CAPN13: variants seen among roughly 807,000 people sequenced by gnomAD.
The protein encoded by CAPN13 is calpain-13.
In CAPN13, 90 loss-of-function variants were observed where a neutral mutation model predicts 98.4. The observed-to-expected ratio is 0.92, with a 90% CI of 0.77 to 1.09. The LOEUF is 1.09. Ranked by LOEUF, CAPN13 falls within the 50% of genes least tolerant of loss-of-function variation. The pLI, the probability that CAPN13 is intolerant of heterozygous loss-of-function variation, is 0.00. For missense variants in CAPN13, 887 were observed against 841.3 expected (o/e 1.05, Z -0.67); for synonymous variants, 330 against 305.5 (o/e 1.08, Z -0.84).
At position 30,742,437 on chromosome 2, in the gene CAPN13, G is replaced by A. The variant is rs905448133; in HGVS notation, c.1446-78C>T. 2.7e-6 allele frequency: 4 copies of A among 1,488,256 alleles called. No homozygotes were observed. The East Asian group carries it at 9.7e-5, about 36-fold the overall frequency. The allele number at this position is 1,488,256 out of a possible 1,614,324, so 92.2% of individuals were successfully genotyped here. A position where few individuals can be genotyped will look rare whatever the true frequency, so the allele number is the denominator to read the frequency against. ...GGGCCTGCATATAGAGGGCACCCAG[G>A]TGGCACTGGATATTGATGCCAAGTT... On this transcript the variant is annotated intron_variant, in intron 13 of 22. Transcript: ENST00000295055.
At chr2:30,788,519 C>A (rs1270295018) in intron 1 of CAPN13, among the ~76,000 whole-genome samples, 1 of 152,132 alleles carries the variant, frequency 6.6e-6, no homozygotes, top group African/African-American at 2.4e-5. Flanking sequence ...CCTCTCTGGT[C>A]CTTAAAGTAG....
At chr2:30,739,697 G>A (rs1212481675) in intron 15 of CAPN13, among the ~76,000 whole-genome samples, 2 of 152,130 alleles carry the variant, frequency 1.3e-5, no homozygotes, top group Admixed American at 1.3e-4. Context: ...CAGCTTTGGG[G>A]CATGGACCGT....
chr2:30,763,233 G>A, intron 6 of CAPN13, 77 bp from the exon 7 acceptor site: 1 of 1,298,474 alleles, frequency 7.7e-7, no homozygotes, highest in Admixed American at 2.0e-5. Flanking sequence ...AGTCCAAACA[G>A]CCACTGAGCC....
chr2:30,770,987 T>A (rs1030798145), intron 4 of CAPN13, among the ~76,000 whole-genome samples: 2 of 152,184 alleles, frequency 1.3e-5, no homozygotes, highest in African/African-American at 2.4e-5. Context: ...ATGACATGGA[T>A]GGCTCAGGAG....
At chr2:30,764,590 A>G (rs1673019086) in intron 5 of CAPN13, among the ~76,000 whole-genome samples, 1 of 152,178 alleles carries the variant, frequency 6.6e-6, no homozygotes, top group South Asian at 2.1e-4. Context: ...TGCTGGAGGC[A>G]CAGGTTGAAC....
rs1455354566 is a variant in CAPN13 at position 30,741,905 on chromosome 2, T to C, written c.1536+3A>G. On this transcript the variant is annotated splice_donor_region_variant and intron_variant, in intron 15 of 22. Coordinates refer to ENST00000295055, the MANE Select transcript of CAPN13 (RefSeq NM_144575.3). ...TAAGGCCCCTGGGTGCTAGGTACCA[T>C]ACCTGCTGAGCATATCTGTTGAAAA... The C allele has an allele frequency of 3.8e-5, 61 of 1,613,748 alleles. No homozygotes were observed. Among genetic ancestry groups the C allele is most frequent in the Non-Finnish European group, 4.9e-5 (58 of 1,179,868 alleles).
chr2:30,786,867 T>A (rs1437227092), intron 2 of CAPN13, among the ~76,000 whole-genome samples: 3 of 152,204 alleles, frequency 2.0e-5, no homozygotes, highest in African/African-American at 7.2e-5. Flanking sequence ...TTTCCCATTT[T>A]TTGGATGAAA....
intron 5 of CAPN13, among the ~76,000 whole-genome samples, chr2:30,766,306 C>A (rs2067934): frequency 0.1 from 15,398 of 152,274 alleles, 1,519 homozygotes; most frequent in East Asian, 0.44. Flanking sequence ...CCACAGCATC[C>A]GGCAGTCACC....
At chr2:30,771,571 T>G (rs1315574832) in intron 4 of CAPN13, among the ~76,000 whole-genome samples, 1 of 152,122 alleles carries the variant, frequency 6.6e-6, no homozygotes, top group East Asian at 1.9e-4. Context: ...GTGTCGGCAG[T>G]GAGGTTGAGA....
rs2148005733 is a variant in CAPN13 at position 30,758,048 on chromosome 2, A to C, written c.864T>G (p.Asp288Glu). The C allele has an allele frequency of 4.4e-6, 7 of 1,606,312 alleles. No individual in the cohort carries two copies. The South Asian group carries it at 6.7e-5, about 15-fold the overall frequency. Reference protein sequence around the residue: ...GEAEWRGRWSDGSQEWEETCD... With the variant: ...GEAEWRGRWSEGSQEWEETCD... ...AGAGAGGTTTCCAGAAGCCATACCC[A>C]TCACTCCAGCGCCCTCTCCATTCGG... Residue 288 changes from aspartate (D) to glutamate (E), a missense_variant and splice_region_variant, in exon 8 of 23, where the codon GAT becomes GAG. Physicochemically the swap from Asp to Glu is conservative, Grantham distance 45 (BLOSUM62 2). Transcript: ENST00000295055.
At chr2:30,755,964 T>C (rs993738248) in intron 8 of CAPN13, among the ~76,000 whole-genome samples, 2 of 151,946 alleles carry the variant, frequency 1.3e-5, no homozygotes, top group African/African-American at 2.4e-5. Context: ...TCCTAAAAAG[T>C]AGGGAAGAAA....
At chr2:30,746,400 C>A (rs1447774732) in intron 11 of CAPN13, 3 of 154,344 alleles carry the variant, frequency 1.9e-5, no homozygotes, top group Non-Finnish European at 4.3e-5. Context: ...TGTAAGCAGA[C>A]ATGACTGTTC....
chr2:30,736,589 A>G lies in CAPN13; in HGVS notation c.1654-18T>C. The stretch of plus-strand genomic sequence containing the variant: ...ACTTTCAGCTGGGTAAGGAGTTAAG[A>G]GTGAACCAGCCAGCGTGCAAGGTGC... On this transcript the variant is annotated intron_variant, in intron 17 of 22. Transcript: ENST00000295055. 6.2e-7 allele frequency: 1 copy of G among 1,613,750 alleles called. No homozygotes were observed. Among genetic ancestry groups the G allele is most frequent in the Non-Finnish European group, 8.5e-7 (1 of 1,179,692 alleles).
intron 2 of CAPN13, among the ~76,000 whole-genome samples, chr2:30,782,377 A>G (rs181395755): frequency 6.6e-6 from 1 of 152,314 alleles, no homozygotes; most frequent in East Asian, 1.9e-4. Flanking sequence ...TATTTTTGCT[A>G]GAGGACTTAG....
intron 1 of CAPN13, among the ~76,000 whole-genome samples, chr2:30,796,254 G>GTA (rs928767573): frequency 1.5e-5 from 2 of 136,002 alleles, no homozygotes; most frequent in African/African-American, 6.7e-5. Context: ...ATATATATAC[G>GTA]TATATATATA....
At position 30,795,820 on chromosome 2, in the gene CAPN13, C is replaced by T. The variant is rs115655830; in HGVS notation, c.-32-8463G>A. ...TTTTTATAAATTGAGCCAATATTAA[C>T]TCTTATGGGAATTTAATGTAAGAAA... On this transcript the variant is annotated intron_variant, in intron 1 of 22. Transcript: ENST00000295055. 5.5e-3 allele frequency among the ~76,000 whole-genome samples: 833 copies of T among 152,032 alleles called. 8 individuals are homozygous for T. Among genetic ancestry groups the T allele is most frequent in the African/African-American group, 0.019 (792 of 41,466 alleles).
At chr2:30,728,530 G>A (rs1670941160) in intron 22 of CAPN13, among the ~76,000 whole-genome samples, 1 of 152,146 alleles carries the variant, frequency 6.6e-6, no homozygotes, top group Non-Finnish European at 1.5e-5. Context: ...TTCAGGCTGG[G>A]AAAAGCATGG....
At chr2:30,784,965 C>A (rs1674190261) in intron 2 of CAPN13, among the ~76,000 whole-genome samples, 1 of 152,210 alleles carries the variant, frequency 6.6e-6, no homozygotes, top group African/African-American at 2.4e-5. Flanking sequence ...TCTCTGCAGT[C>A]ACAGCTGTAC....
In CAPN13 at chr2:30,742,439, G is replaced by A. The variant is rs941805153; in HGVS notation, c.1446-80C>T. 1.1e-5 allele frequency: 16 copies of A among 1,478,792 alleles called. No homozygotes were observed. The African/African-American group carries it at 2.1e-4, about 19-fold the overall frequency. 91.6% of individuals were successfully genotyped at this position (1,478,792 alleles called of 1,614,324 possible). ...GCCTGCATATAGAGGGCACCCAGGTGGCACTGGATATTGATGCCAAGTTCC... is the reference window on the plus strand; with the variant it reads ...GCCTGCATATAGAGGGCACCCAGGTAGCACTGGATATTGATGCCAAGTTCC... On this transcript the variant is annotated intron_variant, in intron 13 of 22. Coordinates refer to ENST00000295055, the MANE Select transcript of CAPN13 (RefSeq NM_144575.3).
Sources: gnomAD v4.1 joint callset for allele counts (sites outside exome capture counted in the v4.1 genomes callset) on GRCh38, gnomAD v4.1.1 for gene constraint, MANE v1.5 for transcripts, NCBI Gene and HGNC (gene_info 2026-07-23, HGNC 2026-07-21) for gene names.